Variants in SBF2 observed in about 807,000 individuals in gnomAD.
SBF2 encodes SET binding factor 2.
SBF2 carries 112 observed loss-of-function variants against 225.2 expected under a neutral mutation model. The observed-to-expected ratio is 0.50, with a 90% CI of 0.43 to 0.58. The LOEUF is 0.58. Ranked by LOEUF, SBF2 falls within the 20% of genes least tolerant of loss-of-function variation. The pLI, the probability that SBF2 is intolerant of heterozygous loss-of-function variation, is 0.00. For synonymous variants in SBF2, 763 were observed against 773.3 expected, an observed-to-expected ratio of 0.99 and a Z score of 0.22; for missense variants, 1,996 against 2,206.2, an observed-to-expected ratio of 0.90 and a Z score of 1.91.
chr11:10,160,711 C>T (rs1260568736), intron 2 of SBF2, among the ~76,000 whole-genome samples: 1 of 152,126 alleles, frequency 6.6e-6, no homozygotes, highest in Non-Finnish European at 1.5e-5. Context: ...TGAAAGAACT[C>T]TAAGCCCTTC....
At chr11:10,239,483 T>C (rs2135456934) in intron 1 of SBF2, among the ~76,000 whole-genome samples, 1 of 150,978 alleles carries the variant, frequency 6.6e-6, no homozygotes, top group African/African-American at 2.4e-5. Flanking sequence ...TTAGCATTCA[T>C]ATTTTGGTGC....
At chr11:9,832,444 G>C in intron 26 of SBF2, 24 bp from the exon 27 acceptor site, 1 of 1,560,082 alleles carries the variant, frequency 6.4e-7, no homozygotes, top group Non-Finnish European at 8.8e-7. Context: ...GAATAGAGAA[G>C]AGAATGATTG....
At chr11:10,017,773 T>A in intron 6 of SBF2, among the ~76,000 whole-genome samples, 1 of 152,140 alleles carries the variant, frequency 6.6e-6, no homozygotes, top group East Asian at 1.9e-4. Context: ...CTTAGCAATG[T>A]GGGAGACTAA....
rs112789121 is a variant in SBF2, at chr11:9,807,513, T to G, written c.4443+487A>C. Among the ~76,000 whole-genome samples, 788 of 152,360 alleles carry G rather than the reference T, an allele frequency of 5.2e-3. 11 individuals carry two copies. The highest frequency in any genetic ancestry group is 0.018 in the African/African-American group (744 of 41,594). The stretch of plus-strand genomic sequence containing the variant: ...GCTGCATAGTATTCCATGGTATATA[T>G]GTACCACAGTTTCTCCATGTGGTAG... On this transcript the variant is annotated intron_variant, in intron 32 of 39. Transcript: ENST00000256190.
intron 13 of SBF2, among the ~76,000 whole-genome samples, chr11:9,986,317 T>G (rs1292931353): frequency 2.0e-5 from 3 of 152,062 alleles, no homozygotes; most frequent in Non-Finnish European, 4.4e-5. Flanking sequence ...CCTAAATGCC[T>G]ACATCAAAAA....
rs532277125 is a variant in SBF2, at chr11:9,907,676, T to A, written c.1861-11665A>T. Among the ~76,000 whole-genome samples the A allele has an allele frequency of 7.2e-5, 11 of 152,294 alleles. No homozygotes were observed. In the East Asian group the frequency reaches 2.1e-3, roughly 29 times the overall value. ...AGGCTTGACAAATAATATCAAGCTTTATTTTAAGTTATTTGAGTGAATGGA... is the reference window on the plus strand; with the variant it reads ...AGGCTTGACAAATAATATCAAGCTTAATTTTAAGTTATTTGAGTGAATGGA... On this transcript the variant is annotated intron_variant, in intron 16 of 39. Transcript: ENST00000256190.
chr11:9,788,779 T>A (rs554443002), intron 35 of SBF2, among the ~76,000 whole-genome samples: 1 of 142,210 alleles, frequency 7.0e-6, no homozygotes, highest in Non-Finnish European at 1.5e-5. Context: ...TTTTTTTTTG[T>A]ATTTCTTAGT....
rs1021713394 is a variant in SBF2 at position 9,946,613 on chromosome 11, G to A, written c.1860+15344C>T. 3.9e-4 allele frequency among the ~76,000 whole-genome samples: 60 copies of A among 152,012 alleles called. 1 individual carries two copies. Among genetic ancestry groups the A allele is most frequent in the African/African-American group, 1.3e-3 (54 of 41,466 alleles). On this transcript the variant is annotated intron_variant, in intron 16 of 39. Transcript: ENST00000256190. ...TTACAGGCATGCGCCACCATGCCTG[G>A]CTAATTTTGTATTTTTAATAAAGAT...
At chr11:9,832,031 A>G (rs1025451172) in intron 27 of SBF2, among the ~76,000 whole-genome samples, 193 bp downstream of exon 27, 5 of 152,234 alleles carry the variant, frequency 3.3e-5, no homozygotes, top group African/African-American at 9.6e-5. Context: ...TAAGATGTCA[A>G]ATTCAATGTG....
chr11:9,855,984 G>A (rs536791235), intron 19 of SBF2, among the ~76,000 whole-genome samples: 74 of 152,348 alleles, frequency 4.9e-4, no homozygotes, highest in African/African-American at 1.6e-3. Flanking sequence ...GCCAGAGGAC[G>A]GATTCCGTTA....
chr11:9,996,726 T>C (rs1565110375), intron 9 of SBF2, among the ~76,000 whole-genome samples: 2 of 152,170 alleles, frequency 1.3e-5, no homozygotes, highest in Admixed American at 1.3e-4. Flanking sequence ...TCTTAGATGA[T>C]AGTTGAGCAA....
chr11:10,028,263 T>C (rs1034053842), intron 6 of SBF2, among the ~76,000 whole-genome samples, 189 bp downstream of exon 6: 1 of 152,044 alleles, frequency 6.6e-6, no homozygotes, highest in African/African-American at 2.4e-5. Context: ...GGGGCCTGAG[T>C]TAAAATTTTT....
chr11:9,880,112 G>A (rs199705733), intron 17 of SBF2, among the ~76,000 whole-genome samples: 836 of 39,036 alleles, frequency 0.021, 9 homozygotes, highest in Middle Eastern at 0.047. Context: ...AAAAAAAAAA[G>A]ATCTCAGGAT....
chr11:9,828,197 A>G lies in SBF2; in HGVS notation c.3793+1159T>C, dbSNP rs543313669. On this transcript the variant is annotated intron_variant, in intron 28 of 39. Transcript: ENST00000256190. Reference sequence around the variant, plus strand: ...CACTACCTGCTTAAGCACAGTGGACATTCTTGAAGTCCTCCTTTCAGTCCC... The same window carrying G: ...CACTACCTGCTTAAGCACAGTGGACGTTCTTGAAGTCCTCCTTTCAGTCCC... 29 of 1,289,696 alleles carry G rather than the reference A, an allele frequency of 2.2e-5. No homozygotes were observed. The African/African-American group carries it at 3.9e-4, about 18-fold the overall frequency. The allele number at this position is 1,289,696 out of a possible 1,614,324, so 79.9% of individuals were successfully genotyped here. A position where few individuals can be genotyped will look rare whatever the true frequency, so the allele number is the denominator to read the frequency against.
chr11:10,019,632 G>A (rs975332161), intron 6 of SBF2, among the ~76,000 whole-genome samples: 1 of 151,112 alleles, frequency 6.6e-6, no homozygotes, highest in African/African-American at 2.4e-5. Context: ...AGAAAACTAA[G>A]CAAGCTTCCT....
At chr11:10,281,298 C>T (rs1963389837) in intron 1 of SBF2, among the ~76,000 whole-genome samples, 1 of 152,108 alleles carries the variant, frequency 6.6e-6, no homozygotes, top group South Asian at 2.1e-4. Flanking sequence ...ACCTACTTGG[C>T]CCAAGATGGC....
At chr11:9,798,043 A>C (rs1362833231) in intron 32 of SBF2, among the ~76,000 whole-genome samples, 1 of 152,184 alleles carries the variant, frequency 6.6e-6, no homozygotes, top group Non-Finnish European at 1.5e-5. Context: ...ATAATAAAAC[A>C]AGCAGATGTG....
chr11:9,956,220 A>G (rs1866155083), intron 16 of SBF2, among the ~76,000 whole-genome samples: 1 of 152,160 alleles, frequency 6.6e-6, no homozygotes, highest in East Asian at 1.9e-4. Context: ...CAATCTTGCC[A>G]TTAACATTTT....
Position 9,780,219 on chromosome 11 carries a change from A to T in SBF2, c.*199T>A. 1 of 627,132 alleles carries T rather than the reference A, an allele frequency of 1.6e-6. No homozygotes were observed. The highest frequency in any genetic ancestry group is 2.9e-5 in the East Asian group (1 of 34,408). 38.8% of individuals were successfully genotyped at this position (627,132 alleles called of 1,614,324 possible). On this transcript the variant is annotated 3_prime_UTR_variant, in exon 40 of 40. Coordinates refer to ENST00000256190, the MANE Select transcript of SBF2 (RefSeq NM_030962.4). The stretch of plus-strand genomic sequence containing the variant: ...ATTTAGTGCAAGATACAGGGAGTGC[A>T]TGGGGCTGTTGACCAGACCTGTGTG...
Sources: gnomAD v4.1 joint callset for allele counts (sites outside exome capture counted in the v4.1 genomes callset) on GRCh38, gnomAD v4.1.1 for gene constraint, MANE v1.5 for transcripts, NCBI Gene and HGNC (gene_info 2026-07-23, HGNC 2026-07-21) for gene names.